The following UFD1 variants were observed in gnomAD, a reference collection of about 807,000 sequenced individuals.
The protein encoded by UFD1 is ubiquitin recognition factor in ER-associated degradation protein 1.
In UFD1, 13 loss-of-function variants were observed where a neutral mutation model predicts 45.9. The observed-to-expected ratio is 0.28, with a 90% CI of 0.18 to 0.45. UFD1 has a LOEUF of 0.45. Ranked by LOEUF, UFD1 falls within the 20% of genes least tolerant of loss-of-function variation. UFD1 has a pLI of 1.00. For missense variants in UFD1, 218 were observed against 389.2 expected (o/e 0.56, Z 3.70); for synonymous variants, 128 against 139.2 (o/e 0.92, Z 0.56).
At chr22:19,474,449 G>A (rs1341468958) in intron 3 of UFD1, among the ~76,000 whole-genome samples, 1 of 152,164 alleles carries the variant, frequency 6.6e-6, no homozygotes, top group Non-Finnish European at 1.5e-5. Context: ...GGGAGGCTGA[G>A]GCAGGAGGAT....
chr22:19,459,602 G>A lies in UFD1; in HGVS notation c.496-1463C>T, dbSNP rs565973524. Reference sequence around the variant, plus strand: ...TGCACTCCAGCCTGGGCAACAGAGCGAGACTCTGTGTCAAAAACAAACAAA... The same window carrying A: ...TGCACTCCAGCCTGGGCAACAGAGCAAGACTCTGTGTCAAAAACAAACAAA... On this transcript the variant is annotated intron_variant, in intron 6 of 11. Coordinates refer to ENST00000263202, the MANE Select transcript of UFD1 (RefSeq NM_005659.7). Among the ~76,000 whole-genome samples the A allele has an allele frequency of 1.1e-4, 17 of 152,166 alleles. No homozygotes were observed. In the South Asian group the frequency reaches 2.7e-3, roughly 24 times the overall value.
intron 1 of UFD1, among the ~76,000 whole-genome samples, chr22:19,476,735 G>A (rs374407400): frequency 7.5e-4 from 114 of 151,854 alleles, no homozygotes; most frequent in African/African-American, 2.6e-3. Flanking sequence ...GGCTGGGTGC[G>A]GTGGCTCACG....
chr22:19,474,641 G>A (rs1484361708), intron 3 of UFD1, among the ~76,000 whole-genome samples: 2 of 152,150 alleles, frequency 1.3e-5, no homozygotes, highest in African/African-American at 4.8e-5. Flanking sequence ...TGCTCACAGC[G>A]CCCTCTTGTG....
At chr22:19,470,554 G>A (rs1372997617) in intron 4 of UFD1, 8 of 353,352 alleles carry the variant, frequency 2.3e-5, no homozygotes, top group Middle Eastern at 2.0e-3. Flanking sequence ...CCATTCTCTT[G>A]CCTCGGTCTC....
intron 7 of UFD1, 160 bp from the exon 8 acceptor site, chr22:19,457,078 T>C (rs1357701891): frequency 1.6e-6 from 1 of 625,850 alleles, no homozygotes; most frequent in Non-Finnish European, 2.9e-6. Flanking sequence ...GGTAGCATCT[T>C]ACAAAATTAC....
chr22:19,467,829 A>G (rs776836058), intron 5 of UFD1, 44 bp downstream of exon 5: 2 of 1,609,980 alleles, frequency 1.2e-6, no homozygotes, highest in African/African-American at 1.3e-5. Flanking sequence ...CCGCCAGCAC[A>G]CTCTCCTTTG....
intron 4 of UFD1, among the ~76,000 whole-genome samples, chr22:19,468,583 T>A (rs760644263): frequency 1.3e-5 from 2 of 152,158 alleles, no homozygotes; most frequent in African/African-American, 2.4e-5. Flanking sequence ...ACAATGCCCA[T>A]GAGTACTGGG....
intron 3 of UFD1, 81 bp from the exon 4 acceptor site, chr22:19,471,889 C>T: frequency 6.5e-7 from 1 of 1,545,894 alleles, no homozygotes; most frequent in Non-Finnish European, 8.8e-7. Flanking sequence ...TAGAAGGAGC[C>T]TCCCCACAAT....
chr22:19,472,079 C>A (rs2089850491), intron 3 of UFD1, among the ~76,000 whole-genome samples: 2 of 152,186 alleles, frequency 1.3e-5, no homozygotes, highest in Admixed American at 6.5e-5. Flanking sequence ...AATTTCAGTG[C>A]CCACCATGCC....
intron 4 of UFD1, among the ~76,000 whole-genome samples, chr22:19,468,544 C>T (rs368421017): frequency 2.8e-4 from 42 of 152,276 alleles, no homozygotes; most frequent in African/African-American, 5.5e-4. Context: ...AGGTAGACGA[C>T]GGCTGAGAAG....
chr22:19,453,995 C>T, intron 11 of UFD1: 1 of 985,720 alleles, frequency 1.0e-6, no homozygotes, highest in Non-Finnish European at 1.2e-6. Context: ...GCCATATTCC[C>T]ACAAAGTGCC....
intron 6 of UFD1, among the ~76,000 whole-genome samples, chr22:19,461,833 T>A (rs1408753651): frequency 6.6e-6 from 1 of 152,084 alleles, no homozygotes; most frequent in Admixed American, 6.5e-5. Flanking sequence ...TTTTCTTTAG[T>A]CAAACTTCAA....
chr22:19,453,954 G>C, intron 11 of UFD1: 1 of 985,582 alleles, frequency 1.0e-6, no homozygotes, highest in Non-Finnish European at 1.2e-6. Context: ...ATCACAAAGA[G>C]GTGACTGCGT....
chr22:19,478,907 C>T lies in UFD1; in HGVS notation c.3+176G>A. ...CAGGACCGGCGGACGCGACCACAGG[C>T]GGTTAGTGGTCAAGGGTCCTGCTTG... On this transcript the variant is annotated intron_variant, in intron 1 of 11. Transcript: ENST00000263202. 5.1e-6 allele frequency: 4 copies of T among 776,970 alleles called. No homozygotes were observed. In the South Asian group the frequency reaches 6.1e-5, roughly 12 times the overall value. The allele number at this position is 776,970 out of a possible 1,614,324, so 48.1% of individuals were successfully genotyped here. A position where few individuals can be genotyped will look rare whatever the true frequency, so the allele number is the denominator to read the frequency against.
At chr22:19,461,859 G>A (rs1307018851) in intron 6 of UFD1, among the ~76,000 whole-genome samples, 1 of 151,268 alleles carries the variant, frequency 6.6e-6, no homozygotes, top group African/African-American at 2.4e-5. Flanking sequence ...CTTTTCTCTA[G>A]GAAATAATTT....
At chr22:19,460,033 G>A (rs556351827) in intron 6 of UFD1, among the ~76,000 whole-genome samples, 5 of 151,862 alleles carry the variant, frequency 3.3e-5, no homozygotes, top group East Asian at 1.9e-4. Flanking sequence ...CACCATGCCC[G>A]GCCAGTATGT....
At chr22:19,466,020 A>C (rs896999651) in intron 5 of UFD1, 2 of 152,250 alleles carry the variant, frequency 1.3e-5, no homozygotes, top group African/African-American at 2.4e-5. Context: ...GACTTTACAT[A>C]AAAAGGTCAC....
intron 10 of UFD1, 30 bp downstream of exon 10, chr22:19,455,650 T>A: frequency 6.2e-7 from 1 of 1,604,016 alleles, no homozygotes; most frequent in Non-Finnish European, 8.5e-7. Flanking sequence ...ATCCTCCTCC[T>A]GTCCTGGAGG....
intron 6 of UFD1, among the ~76,000 whole-genome samples, chr22:19,462,059 G>A (rs1260493546): frequency 3.3e-5 from 5 of 152,114 alleles, no homozygotes; most frequent in Non-Finnish European, 5.9e-5. Flanking sequence ...GAGTGCAGTG[G>A]CACGGTCACT....
Sources: allele counts gnomAD v4.1 joint callset (sites outside exome capture counted in the v4.1 genomes callset), GRCh38; gene constraint gnomAD v4.1.1; transcripts MANE v1.5; gene names NCBI Gene and HGNC (gene_info 2026-07-23, HGNC 2026-07-21).